TACR3: variants seen among roughly 807,000 people sequenced by gnomAD.
The protein encoded by TACR3 is tachykinin receptor 3.
Under a neutral mutation model 35.0 loss-of-function variants are expected in TACR3, and 34 were observed. The observed-to-expected ratio is 0.97, with a 90% CI of 0.74 to 1.30. The LOEUF (loss-of-function observed/expected upper bound fraction) is 1.30, where lower values mean the gene tolerates loss of function less well. Among genes scored for constraint, TACR3 ranks in the 50% most tolerant of loss-of-function variants. The pLI, the probability that TACR3 is intolerant of heterozygous loss-of-function variation, is 0.00. For synonymous variants in TACR3, 233 were observed against 221.1 expected (o/e 1.05, Z -0.48); for missense variants, 558 against 591.7 (o/e 0.94, Z 0.59).
At chr4:103,688,819 A>G (rs1448537653) in intron 1 of TACR3, among the ~76,000 whole-genome samples, 1 of 152,210 alleles carries the variant, frequency 6.6e-6, no homozygotes, top group Non-Finnish European at 1.5e-5. Context: ...AACTATTTCA[A>G]TCATTGTGGA....
chr4:103,657,444 T>C (rs1725753854), intron 2 of TACR3, among the ~76,000 whole-genome samples: 1 of 152,060 alleles, frequency 6.6e-6, no homozygotes, highest in East Asian at 1.9e-4. Flanking sequence ...AAGTGCCTCC[T>C]AATATTTTTG....
intron 3 of TACR3, among the ~76,000 whole-genome samples, chr4:103,614,422 AG>A (rs1179647543): frequency 6.6e-6 from 1 of 152,150 alleles, no homozygotes; most frequent in East Asian, 1.9e-4. Flanking sequence ...GGTTCCATTT[AG>A]TGTTGAGGCA....
chr4:103,702,318 CAT>C (rs1722672869), intron 1 of TACR3, among the ~76,000 whole-genome samples: 1 of 152,156 alleles, frequency 6.6e-6, no homozygotes, highest in South Asian at 2.1e-4. Flanking sequence ...CATCACTGAC[CAT>C]CAGAGAAATG....
intron 3 of TACR3, among the ~76,000 whole-genome samples, chr4:103,637,421 T>C (rs1216776287): frequency 6.6e-6 from 1 of 152,030 alleles, no homozygotes; most frequent in Non-Finnish European, 1.5e-5. Flanking sequence ...ATAAATTAGG[T>C]ATTGATGGGA....
At chr4:103,617,395 T>C (rs530209704) in intron 3 of TACR3, among the ~76,000 whole-genome samples, 93 of 152,332 alleles carry the variant, frequency 6.1e-4, no homozygotes, top group Non-Finnish European at 1.0e-3. Context: ...AAATACTTGA[T>C]AAAAAGTACT....
intron 3 of TACR3, among the ~76,000 whole-genome samples, chr4:103,601,156 A>G (rs900232987): frequency 1.3e-5 from 2 of 152,038 alleles, no homozygotes; most frequent in Non-Finnish European, 2.9e-5. Flanking sequence ...TTGGGTGTAT[A>G]TATATTTAGG....
intron 3 of TACR3, among the ~76,000 whole-genome samples, chr4:103,650,722 TAAA>T: frequency 1.8e-5 from 1 of 55,734 alleles, no homozygotes; most frequent in East Asian, 3.7e-4. Context: ...TATATATAAA[TAAA>T]TATATATTAT....
Position 103,719,270 on chromosome 4 carries a change from C to T in TACR3, c.406G>A (p.Ala136Thr). 6.2e-7 allele frequency: 1 copy of T among 1,614,204 alleles called. No individual in the cohort carries two copies. Among genetic ancestry groups the T allele is most frequent in the Non-Finnish European group, 8.5e-7 (1 of 1,180,044 alleles). ...ATGAAATTGACCAACGTGTTGAAGG[C>T]GGCCATGGAGGCGTCGGAGAAAGCC... ...NLAFSDASMA[A>T]FNTLVNFIYA... The change falls in exon 1 of 5, where the codon GCC (alanine) becomes ACC (threonine). Residue 136 changes from alanine (A) to threonine (T), a missense_variant. Coordinates refer to ENST00000304883, the MANE Select transcript of TACR3 (RefSeq NM_001059.3).
At chr4:103,596,608 TTTA>T (rs1337348009) in intron 3 of TACR3, among the ~76,000 whole-genome samples, 1 of 152,030 alleles carries the variant, frequency 6.6e-6, no homozygotes, top group Non-Finnish European at 1.5e-5. Flanking sequence ...TTTTTAAAAT[TTTA>T]TTATTATTAT....
At chr4:103,706,323 TC>T (rs1465262018) in intron 1 of TACR3, among the ~76,000 whole-genome samples, 1 of 152,104 alleles carries the variant, frequency 6.6e-6, no homozygotes, top group African/African-American at 2.4e-5. Flanking sequence ...ATTATTTGCT[TC>T]TTTGAGTTTT....
chr4:103,661,617 A>G (rs1466172659), intron 1 of TACR3, among the ~76,000 whole-genome samples: 2 of 152,180 alleles, frequency 1.3e-5, no homozygotes, highest in Admixed American at 6.5e-5. Flanking sequence ...TGCAAATCGC[A>G]TTGATTCTTC....
At chr4:103,593,470 AT>A (rs971281519) in intron 3 of TACR3, 1 of 152,072 alleles carries the variant, frequency 6.6e-6, no homozygotes, top group African/African-American at 2.4e-5. Context: ...TTAAAATAAT[AT>A]TTATGAGAAT....
chr4:103,657,222 T>TG (rs1553972237), intron 2 of TACR3, among the ~76,000 whole-genome samples: 4 of 151,958 alleles, frequency 2.6e-5, no homozygotes, highest in Non-Finnish European at 4.4e-5. Context: ...ACCAGTGTTT[T>TG]TTTTGTTTTG....
At chr4:103,624,158 T>C (rs1014218093) in intron 3 of TACR3, 1 of 152,218 alleles carries the variant, frequency 6.6e-6, no homozygotes, top group African/African-American at 2.4e-5. Flanking sequence ...AGGTATGCAA[T>C]TACTGTTTTC....
At chr4:103,718,283 A>G (rs1723134772) in intron 1 of TACR3, among the ~76,000 whole-genome samples, 1 of 152,206 alleles carries the variant, frequency 6.6e-6, no homozygotes, top group African/African-American at 2.4e-5. Context: ...ACTGCCTTTC[A>G]CAAAGCTGAG....
At chr4:103,660,635 C>T (rs1384419812) in intron 1 of TACR3, among the ~76,000 whole-genome samples, 1 of 151,942 alleles carries the variant, frequency 6.6e-6, no homozygotes, top group East Asian at 1.9e-4. Flanking sequence ...TCATGTTTTT[C>T]CAAGCTCATC....
intron 3 of TACR3, among the ~76,000 whole-genome samples, chr4:103,604,630 A>C (rs1054526593): frequency 1.3e-5 from 2 of 152,128 alleles, no homozygotes; most frequent in African/African-American, 4.8e-5. Flanking sequence ...ATTTTTTTGC[A>C]ATGTATCCAT....
At chr4:103,626,167 A>G (rs1724886750) in intron 3 of TACR3, among the ~76,000 whole-genome samples, 1 of 152,162 alleles carries the variant, frequency 6.6e-6, no homozygotes, top group Admixed American at 6.5e-5. Context: ...TCACCCTCTA[A>G]ATCATATGGG....
At chr4:103,598,469 T>C (rs1724098179) in intron 3 of TACR3, among the ~76,000 whole-genome samples, 2 of 152,366 alleles carry the variant, frequency 1.3e-5, no homozygotes, top group South Asian at 4.1e-4. Flanking sequence ...TAGATCCCAT[T>C]TGTCAATTTT....
Sources: gnomAD v4.1 joint callset for allele counts (sites outside exome capture counted in the v4.1 genomes callset) on GRCh38, gnomAD v4.1.1 for gene constraint, MANE v1.5 for transcripts, NCBI Gene and HGNC (gene_info 2026-07-23, HGNC 2026-07-21) for gene names.